Variants in SLC25A48 observed in about 807,000 individuals in gnomAD.
The protein encoded by SLC25A48 is CTC-321K16.1.
In SLC25A48, 29 loss-of-function variants were observed where a neutral mutation model predicts 32.2. The observed-to-expected ratio is 0.90, with a 90% CI of 0.67 to 1.23. The LOEUF (loss-of-function observed/expected upper bound fraction) is 1.23, where lower values mean the gene tolerates loss of function less well. SLC25A48 is among the 50% of genes most tolerant of loss of function. The pLI is 0.00. For missense variants in SLC25A48, 399 were observed against 422.7 expected, an observed-to-expected ratio of 0.94 and a Z score of 0.49; for synonymous variants, 164 against 172.3, an observed-to-expected ratio of 0.95 and a Z score of 0.38.
At chr5:135,584,095 C>T (rs753437717) in intron 1 of SLC25A48, among the ~76,000 whole-genome samples, 30 of 152,188 alleles carry the variant, frequency 2.0e-4, no homozygotes, top group African/African-American at 4.3e-4. Flanking sequence ...AAAGCAGCCC[C>T]GAGGCAGAGT....
chr5:135,839,127 C>T (rs1758783956), intron 1 of SLC25A48, among the ~76,000 whole-genome samples: 1 of 152,096 alleles, frequency 6.6e-6, no homozygotes, highest in Non-Finnish European at 1.5e-5. Flanking sequence ...CAGTTTCTTC[C>T]CTGATGGTGA....
intron 3 of SLC25A48, among the ~76,000 whole-genome samples, chr5:135,789,454 C>A (rs1381083636): frequency 6.6e-6 from 1 of 150,888 alleles, no homozygotes; most frequent in Non-Finnish European, 1.5e-5. Context: ...TAATATCTAG[C>A]CAGGGAGAAG....
At chr5:135,621,717 C>G (rs1257982200) in intron 1 of SLC25A48, among the ~76,000 whole-genome samples, 1 of 152,042 alleles carries the variant, frequency 6.6e-6, no homozygotes, top group Non-Finnish European at 1.5e-5. Flanking sequence ...GGTTCTTTCA[C>G]TATATCGGTG....
chr5:135,794,876 C>T (rs1029112516), intron 3 of SLC25A48, among the ~76,000 whole-genome samples: 1 of 151,752 alleles, frequency 6.6e-6, no homozygotes, highest in Non-Finnish European at 1.5e-5. Flanking sequence ...AGGGGGTGAA[C>T]ACAACCCTTT....
intron 1 of SLC25A48, among the ~76,000 whole-genome samples, chr5:135,604,288 T>C (rs1326877766): frequency 6.6e-6 from 1 of 152,222 alleles, no homozygotes; most frequent in Non-Finnish European, 1.5e-5. Flanking sequence ...CAGTCTGTAC[T>C]TTACCCAGCC....
intron 3 of SLC25A48, among the ~76,000 whole-genome samples, chr5:135,786,934 A>G (rs144703704): frequency 7.6e-4 from 116 of 152,206 alleles, no homozygotes; most frequent in Middle Eastern, 3.4e-3. Context: ...TATTATTTGT[A>G]AAATCCTAGG....
chr5:135,825,970 C>G (rs967378519), intron 4 of SLC25A48: 2 of 152,350 alleles, frequency 1.3e-5, no homozygotes, highest in South Asian at 4.1e-4. Context: ...AGGCCCCCAG[C>G]ACCCACTGAC....
intron 1 of SLC25A48, among the ~76,000 whole-genome samples, chr5:135,620,740 C>T (rs1409530170): frequency 1.3e-5 from 2 of 152,106 alleles, no homozygotes; most frequent in Non-Finnish European, 2.9e-5. Flanking sequence ...GCTGCAGCTG[C>T]TTCGAACTCC....
Position 135,800,598 on chromosome 5 carries a change from G to C in SLC25A48, c.-520-11925G>C, listed in dbSNP as rs115062760. ...AGTTATGCCCAATATCGCAGTGGCT[G>C]TACACCCACCCTCCCGGGTGATGTT... On this transcript the variant is annotated intron_variant, in intron 3 of 10. Coordinates refer to the SLC25A48 transcript ENST00000646290. 9.2e-3 allele frequency among the ~76,000 whole-genome samples: 1,394 copies of C among 151,912 alleles called. 23 individuals are homozygous for C. The highest frequency in any genetic ancestry group is 0.032 in the African/African-American group (1,325 of 41,442).
intron 4 of SLC25A48, among the ~76,000 whole-genome samples, chr5:135,815,159 C>A (rs1039357977): frequency 1.3e-5 from 2 of 152,186 alleles, no homozygotes; most frequent in Non-Finnish European, 2.9e-5. Flanking sequence ...CGGTCCCCAA[C>A]CTTTTTGGCA....
At chr5:135,638,799 C>G (rs1752767021) in intron 3 of SLC25A48, among the ~76,000 whole-genome samples, 1 of 152,170 alleles carries the variant, frequency 6.6e-6, no homozygotes, top group African/African-American at 2.4e-5. Context: ...ACATCATTGT[C>G]TTTATATAAA....
intron 5 of SLC25A48, among the ~76,000 whole-genome samples, chr5:135,873,593 C>T (rs1761831281): frequency 6.6e-6 from 1 of 152,190 alleles, no homozygotes; most frequent in Admixed American, 6.5e-5. Context: ...CAGCCTCATG[C>T]CTCACCCTGG....
intron 2 of SLC25A48, among the ~76,000 whole-genome samples, chr5:135,630,579 G>C (rs184124449): frequency 6.6e-4 from 96 of 145,764 alleles, no homozygotes; most frequent in Non-Finnish European, 1.2e-3. Flanking sequence ...AGATGGTTAG[G>C]CTGGGCACCT....
chr5:135,740,170 ATG>A (rs757699939), intron 3 of SLC25A48, among the ~76,000 whole-genome samples: 4 of 151,110 alleles, frequency 2.6e-5, no homozygotes, highest in African/African-American at 7.3e-5. Flanking sequence ...GTGTGTGTGC[ATG>A]TGTGTGTGTG....
Position 135,785,553 on chromosome 5 carries a change from CA to C in SLC25A48, c.-520-26969del, listed in dbSNP as rs1438203330. On this transcript the variant is annotated intron_variant, in intron 3 of 10. Transcript: ENST00000646290. Reference sequence around the variant, plus strand: ...CCCTTGCCCCATGGATCGTAATATCCAGGGGGGGAGAGGGTGATAATGCTCC... The same window carrying C: ...CCCTTGCCCCATGGATCGTAATATCCGGGGGGGAGAGGGTGATAATGCTCC... Among the ~76,000 whole-genome samples the C allele has an allele frequency of 2.8e-5, 4 of 145,214 alleles. No individual in the cohort carries two copies. The East Asian group carries it at 6.2e-4, about 22-fold the overall frequency.
chr5:135,767,830 C>T (rs1232001474), intron 3 of SLC25A48, among the ~76,000 whole-genome samples: 1 of 151,584 alleles, frequency 6.6e-6, no homozygotes. Flanking sequence ...GATGATATTA[C>T]TCCCAATATC....
At chr5:135,820,218 T>C (rs12719478) in intron 4 of SLC25A48, among the ~76,000 whole-genome samples, 20,453 of 152,236 alleles carry the variant, frequency 0.13, 1,718 homozygotes, top group East Asian at 0.44. Context: ...AACAGTATAC[T>C]ACTCCTCAAT....
chr5:135,676,168 T>C (rs1316792175), intron 3 of SLC25A48, among the ~76,000 whole-genome samples: 3 of 151,928 alleles, frequency 2.0e-5, no homozygotes, highest in African/African-American at 7.2e-5. Flanking sequence ...TTGTTATTGG[T>C]CTGTTCAGGT....
chr5:135,785,310 T>C (rs1204193591), intron 3 of SLC25A48, among the ~76,000 whole-genome samples: 1 of 151,764 alleles, frequency 6.6e-6, no homozygotes, highest in African/African-American at 2.4e-5. Context: ...GCTCCATGGG[T>C]CGTAATCTCC....
Sources: gnomAD v4.1 joint callset for allele counts (sites outside exome capture counted in the v4.1 genomes callset) on GRCh38, gnomAD v4.1.1 for gene constraint, MANE v1.5 for transcripts, NCBI Gene and HGNC (gene_info 2026-07-23, HGNC 2026-07-21) for gene names.